FAM227B: variants seen among roughly 807,000 people sequenced by gnomAD.
FAM227B encodes the protein protein FAM227B.
Under a neutral mutation model 73.8 loss-of-function variants are expected in FAM227B, and 88 were observed. The observed-to-expected ratio is 1.19, with a 90% CI of 1.00 to 1.42. FAM227B has a LOEUF of 1.42. Among genes scored for constraint, FAM227B ranks in the 40% most tolerant of loss-of-function variants. The pLI is 0.00. For missense variants in FAM227B, 632 were observed against 590.9 expected (o/e 1.07, Z -0.72); for synonymous variants, 210 against 190.5 (o/e 1.10, Z -0.84).
At chr15:49,329,366 TACTC>T (rs2038154786) in intron 15 of FAM227B, 14 of 985,276 alleles carry the variant, frequency 1.4e-5, no homozygotes, top group African/African-American at 3.5e-5. Context: ...TTTGCTGAAA[TACTC>T]AGGTAATTGA....
At position 49,389,491 on chromosome 15, in the gene FAM227B, G is replaced by T. The variant is rs186685072; in HGVS notation, c.1013-18092C>A. Among the ~76,000 whole-genome samples the T allele has an allele frequency of 1.4e-4, 22 of 151,916 alleles. No homozygotes were observed. The East Asian group carries it at 4.2e-3, about 29-fold the overall frequency. On this transcript the variant is annotated intron_variant, in intron 11 of 15. Transcript: ENST00000299338. ...GATTTTAGAGACTCAGAGCCGGGAG[G>T]GTGAGAGGAGGGCTAGAGATACAAA...
chr15:49,522,660 G>A (rs972503089), intron 10 of FAM227B, among the ~76,000 whole-genome samples: 1 of 151,918 alleles, frequency 6.6e-6, no homozygotes, highest in African/African-American at 2.4e-5. Context: ...TTTAACAATA[G>A]ACTAGACCAA....
At chr15:49,542,239 T>C (rs1216690457) in intron 9 of FAM227B, among the ~76,000 whole-genome samples, 4 of 152,306 alleles carry the variant, frequency 2.6e-5, no homozygotes, top group South Asian at 2.1e-4. Flanking sequence ...TAAACATTAG[T>C]ACAATTTATT....
intron 3 of FAM227B, among the ~76,000 whole-genome samples, chr15:49,591,045 A>ATCTTTTTTTTTTTTTTTTTTTTTTTTTTT (rs2076516752): frequency 1.4e-5 from 1 of 72,564 alleles, no homozygotes; most frequent in Non-Finnish European, 2.5e-5. Flanking sequence ...TTTTTTTTTG[A>ATCTTTTTTTTTTTTTTTTTTTTTTTTTTT]TTTTTTTTTT....
chr15:49,443,821 A>G (rs940860942), intron 11 of FAM227B, among the ~76,000 whole-genome samples: 7 of 151,734 alleles, frequency 4.6e-5, no homozygotes, highest in African/African-American at 1.7e-4. Flanking sequence ...TGTGAGTATT[A>G]TATTTTATTA....
At chr15:49,455,410 C>T (rs1327247642) in intron 11 of FAM227B, among the ~76,000 whole-genome samples, 8 of 151,862 alleles carry the variant, frequency 5.3e-5, no homozygotes. Flanking sequence ...TGCATAAAAC[C>T]CCAGCATTTT....
At position 49,348,871 on chromosome 15, in the gene FAM227B, G is replaced by T. The variant is rs148003284; in HGVS notation, c.1272-13375C>A. On this transcript the variant is annotated intron_variant, in intron 13 of 15. Coordinates refer to ENST00000299338, the MANE Select transcript of FAM227B (RefSeq NM_152647.3). ...AAAATGAAGTTTTCTTCTCTTATTT[G>T]ATACAAATGTGGCTTTACCACATTT... Among the ~76,000 whole-genome samples, 909 of 152,156 alleles carry T rather than the reference G, an allele frequency of 6.0e-3. 6 individuals carry two copies. Among genetic ancestry groups the T allele is most frequent in the Middle Eastern group, 0.037 (11 of 294 alleles).
At position 49,491,257 on chromosome 15, in the gene FAM227B, C is replaced by T. The variant is rs1212359161; in HGVS notation, c.1012+16954G>A. Among the ~76,000 whole-genome samples the T allele has an allele frequency of 1.5e-4, 23 of 151,878 alleles. No individual in the cohort carries two copies. In the Admixed American group the frequency reaches 1.5e-3, roughly 10 times the overall value. Reference sequence around the variant, plus strand: ...TAATCTTTCTTGTTTCAAATTCCTTCCCATCTCATATACTGCCTAATTCTT... The same window carrying T: ...TAATCTTTCTTGTTTCAAATTCCTTTCCATCTCATATACTGCCTAATTCTT... On this transcript the variant is annotated intron_variant, in intron 11 of 15. Coordinates refer to ENST00000299338, the MANE Select transcript of FAM227B (RefSeq NM_152647.3).
intron 11 of FAM227B, among the ~76,000 whole-genome samples, chr15:49,404,009 A>C (rs940814686): frequency 6.6e-6 from 1 of 152,002 alleles, no homozygotes; most frequent in East Asian, 1.9e-4. Context: ...CCTTAATTTC[A>C]TTATTTACCC....
intron 6 of FAM227B, chr15:49,577,099 C>T (rs1327591738): frequency 2.9e-6 from 1 of 347,540 alleles, no homozygotes; most frequent in African/African-American, 2.2e-5. Flanking sequence ...GAGTTCGAGA[C>T]CAGCCTGGAC....
At chr15:49,383,152 T>C (rs959725996) in intron 11 of FAM227B, among the ~76,000 whole-genome samples, 1 of 152,036 alleles carries the variant, frequency 6.6e-6, no homozygotes, top group Admixed American at 6.6e-5. Context: ...GAACAATATA[T>C]AAACTAGAAA....
chr15:49,373,351 T>A (rs1489775216), intron 11 of FAM227B, among the ~76,000 whole-genome samples: 2 of 152,114 alleles, frequency 1.3e-5, no homozygotes, highest in Non-Finnish European at 2.9e-5. Context: ...AAGAAACTCA[T>A]CTACATATGA....
intron 9 of FAM227B, among the ~76,000 whole-genome samples, chr15:49,562,892 A>G (rs1281993567): frequency 1.3e-5 from 2 of 152,146 alleles, no homozygotes; most frequent in Non-Finnish European, 2.9e-5. Context: ...AGCCAATATC[A>G]TACTAAAAGG....
chr15:49,367,417 TTATATTAAAGCAAAGCTTTAAAAAGGA>T lies in FAM227B; in HGVS notation c.1271+4_1271+30del. The T allele has an allele frequency of 6.7e-7, 1 of 1,497,588 alleles. No individual in the cohort carries two copies. The highest frequency in any genetic ancestry group is 8.9e-7 in the Non-Finnish European group (1 of 1,126,198). 92.8% of individuals were successfully genotyped at this position (1,497,588 alleles called of 1,614,324 possible). A position where few individuals can be genotyped will look rare whatever the true frequency, so the allele number is the denominator to read the frequency against. On this transcript the variant is annotated splice_donor_5th_base_variant and intron_variant, in intron 13 of 15. Transcript: ENST00000299338. The stretch of plus-strand genomic sequence containing the variant: ...TTTTGAATATTATTTTTGAAAGAAA[TTATATTAAAGCAAAGCTTTAAAAAGGA>T]TATGGTTCCTGGAATATCTTAGTGA...
chr15:49,420,701 G>A (rs959636309), intron 11 of FAM227B, among the ~76,000 whole-genome samples: 2 of 152,006 alleles, frequency 1.3e-5, no homozygotes, highest in Non-Finnish European at 2.9e-5. Context: ...TTATGAACGA[G>A]GCAAAGTTTT....
intron 9 of FAM227B, among the ~76,000 whole-genome samples, chr15:49,560,852 C>T (rs1038611223): frequency 1.3e-5 from 2 of 152,026 alleles, no homozygotes; most frequent in African/African-American, 4.8e-5. Context: ...TACCACTATA[C>T]CAGCCTTATA....
chr15:49,572,368 T>C (rs1005102672), intron 8 of FAM227B, among the ~76,000 whole-genome samples: 3 of 152,122 alleles, frequency 2.0e-5, no homozygotes, highest in African/African-American at 7.2e-5. Context: ...TCTTTTTTAA[T>C]GTAAGAATTT....
chr15:49,551,759 G>C (rs2073051673), intron 9 of FAM227B, among the ~76,000 whole-genome samples: 1 of 152,012 alleles, frequency 6.6e-6, no homozygotes, highest in Non-Finnish European at 1.5e-5. Flanking sequence ...TGTATCTACT[G>C]TATGTTTTTT....
rs150212571 is a variant in FAM227B at position 49,541,726 on chromosome 15, A to T, written c.828T>A (p.Asp276Glu). The change falls in exon 10 of 16, where the codon GAT (aspartate) becomes GAA (glutamate). Residue 276 changes from aspartate (D) to glutamate (E), a missense_variant. Asp to Glu is a conservative substitution (Grantham distance 45). Coordinates refer to ENST00000299338, the MANE Select transcript of FAM227B (RefSeq NM_152647.3). ...AFPESSYLFN[D>E]EFKEDLGNNI... ...TATTCCCTAGATCTTCTTTAAATTC[A>T]TCATTAAAGAGGTAACTCGATTCTG... 1.3e-6 allele frequency: 2 copies of T among 1,535,646 alleles called. No homozygotes were observed. Among genetic ancestry groups the T allele is most frequent in the Non-Finnish European group, 1.8e-6 (2 of 1,141,524 alleles).
Sources: allele counts gnomAD v4.1 joint callset (sites outside exome capture counted in the v4.1 genomes callset), GRCh38; gene constraint gnomAD v4.1.1; transcripts MANE v1.5; gene names NCBI Gene and HGNC (gene_info 2026-07-23, HGNC 2026-07-21).